MYL3: variants seen among roughly 807,000 people sequenced by gnomAD.
MYL3 encodes the protein CMLC1.
A neutral mutation model predicts 21.3 loss-of-function variants in MYL3; 11 were observed. The observed-to-expected ratio is 0.52, with a 90% confidence interval of 0.32 to 0.85. The LOEUF (loss-of-function observed/expected upper bound fraction) is 0.85. Among genes scored for constraint, MYL3 ranks in the 40% least tolerant of loss-of-function variants. The probability of loss-of-function intolerance (pLI) is 0.03; values close to 1 mark genes in which losing one functional copy is unlikely to be tolerated. For synonymous variants in MYL3, 88 were observed against 91.6 expected (o/e 0.96, Z 0.22); for missense variants, 206 against 253.3 (o/e 0.81, Z 1.27).
At chr3:46,863,117 T>C (rs1702009136) in intron 1 of MYL3, 145 bp downstream of exon 1, 1 of 1,223,988 alleles carries the variant, frequency 8.2e-7, no homozygotes, top group East Asian at 2.3e-5. Context: ...CCTGAAGCAG[T>C]CAGGGCTTGT....
chr3:46,858,485 C>A, intron 4 of MYL3, 24 bp from the exon 5 acceptor site: 1 of 1,609,264 alleles, frequency 6.2e-7, no homozygotes, highest in South Asian at 1.1e-5. Context: ...GAGGCTGAGT[C>A]AGCACCGTGC....
At chr3:46,871,916 C>T (rs2106923942) in intron 1 of MYL3, among the ~76,000 whole-genome samples, 2 of 152,324 alleles carry the variant, frequency 1.3e-5, no homozygotes, top group South Asian at 4.1e-4. Context: ...ATCCTCCCAT[C>T]CAAAGCTGAT....
At chr3:46,880,147 G>A (rs2030463333) in intron 1 of MYL3, 1 of 152,254 alleles carries the variant, frequency 6.6e-6, no homozygotes, top group South Asian at 2.1e-4. Context: ...TCCCAAGGAG[G>A]CTACATACCA....
rs1415627773 is a variant in MYL3, at chr3:46,860,405, C to T, written c.307+271G>A. ...TGGGATGACAGCATCCCACTGCCCA[C>T]TGCTGTCACTGCCCGACCTTCTCAC... On this transcript the variant is annotated intron_variant, in intron 3 of 6. Coordinates refer to ENST00000292327, the MANE Select transcript of MYL3 (RefSeq NM_000258.3). The surrounding 1 kb of genome is among the most constrained non-coding windows in gnomAD (Gnocchi z 4.6). 6.6e-6 allele frequency among the ~76,000 whole-genome samples: 1 copy of T among 152,196 alleles called. No individual in the cohort carries two copies. The highest frequency in any genetic ancestry group is 6.5e-5 in the Admixed American group (1 of 15,292).
rs143603351 is a variant in MYL3, at chr3:46,859,045, C to T, written c.481+430G>A. 2.0e-5 allele frequency among the ~76,000 whole-genome samples: 3 copies of T among 152,262 alleles called. No individual in the cohort carries two copies. The highest frequency in any genetic ancestry group is 7.2e-5 in the African/African-American group (3 of 41,538). ...AAAAAATCACTTTGAAGAGGGACCC[C>T]CTGCTGCAGGCAGCCGATGGTAGGG... On this transcript the variant is annotated intron_variant, in intron 4 of 6. Coordinates refer to ENST00000292327, the MANE Select transcript of MYL3 (RefSeq NM_000258.3). This position sits in a 1 kb window ranked among gnomAD's most constrained non-coding sequence, Gnocchi z 4.1.
At chr3:46,872,321 C>T (rs2029962017) in intron 1 of MYL3, among the ~76,000 whole-genome samples, 1 of 152,186 alleles carries the variant, frequency 6.6e-6, no homozygotes, top group African/African-American at 2.4e-5. Context: ...CCGAGGGAGC[C>T]CTGCCTAACA....
upstream of MYL3, among the ~76,000 whole-genome samples, chr3:46,864,063 T>TG (rs1389526785): frequency 2.0e-5 from 3 of 151,576 alleles, no homozygotes; most frequent in Non-Finnish European, 4.4e-5. The surrounding 1 kb of genome is among the most constrained non-coding windows in gnomAD (Gnocchi z 4.7). Flanking sequence ...GCCTCCGTGG[T>TG]GGGGGGCTCT....
chr3:46,867,653 G>A (rs995668111), upstream of MYL3, among the ~76,000 whole-genome samples: 7 of 152,222 alleles, frequency 4.6e-5, no homozygotes, highest in Admixed American at 3.3e-4. Flanking sequence ...GCCATGGCCC[G>A]CCCTGGCCTG....
Position 46,859,366 on chromosome 3 carries a change from T to C in MYL3, c.481+109A>G. 2 of 1,416,756 alleles carry C rather than the reference T, an allele frequency of 1.4e-6. No homozygotes were observed. Among genetic ancestry groups the C allele is most frequent in the African/African-American group, 2.8e-5 (2 of 71,104 alleles). 87.8% of individuals were successfully genotyped at this position (1,416,756 alleles called of 1,614,324 possible). ...GTCTGCCATTGAGGCTCCCTAATTA[T>C]GTAACTCTCTCCATTTCACCAATGG... On this transcript the variant is annotated intron_variant, in intron 4 of 6. Coordinates refer to ENST00000292327, the MANE Select transcript of MYL3 (RefSeq NM_000258.3). The surrounding 1 kb of genome is among the most constrained non-coding windows in gnomAD (Gnocchi z 4.1).
intron 1 of MYL3, among the ~76,000 whole-genome samples, chr3:46,876,163 G>A (rs2030200995): frequency 1.3e-5 from 2 of 152,260 alleles, no homozygotes. Flanking sequence ...CAACAGATCA[G>A]GAAACTGAGG....
At chr3:46,869,379 G>A (rs1398182233) in intron 1 of MYL3, among the ~76,000 whole-genome samples, 2 of 152,194 alleles carry the variant, frequency 1.3e-5, no homozygotes, top group African/African-American at 4.8e-5. Flanking sequence ...CCATGAGCCG[G>A]CCTTGGAGGA....
chr3:46,866,123 G>A (rs1193389064), upstream of MYL3, among the ~76,000 whole-genome samples: 1 of 148,994 alleles, frequency 6.7e-6, no homozygotes. Context: ...TGGAGGGAGG[G>A]AGGGTGGGCA....
rs1333287241 is a variant in MYL3, at chr3:46,860,491, G to C, written c.307+185C>G. ...CTGGCAAATCAGCATGGATCCAGAT[G>C]CTCCAGCAAACCATTACTGCATGTC... On this transcript the variant is annotated intron_variant, in intron 3 of 6. Transcript: ENST00000292327. The surrounding 1 kb of genome is among the most constrained non-coding windows in gnomAD (Gnocchi z 4.6). 1.3e-5 allele frequency among the ~76,000 whole-genome samples: 2 copies of C among 152,178 alleles called. No homozygotes were observed. The highest frequency in any genetic ancestry group is 4.8e-5 in the African/African-American group (2 of 41,446).
At chr3:46,866,764 G>A (rs944134372), upstream of MYL3, among the ~76,000 whole-genome samples, 12 of 152,152 alleles carry the variant, frequency 7.9e-5, no homozygotes, top group Non-Finnish European at 1.8e-4. Context: ...GAGCTCTGGC[G>A]GTGCAGAGGG....
intron 1 of MYL3, among the ~76,000 whole-genome samples, chr3:46,862,791 G>A (rs148553169): frequency 2.6e-5 from 4 of 152,280 alleles, no homozygotes; most frequent in African/African-American, 4.8e-5. Context: ...CTCTGGGCTC[G>A]GTGATTTGAA....
At chr3:46,875,646 C>A (rs1450547146) in intron 1 of MYL3, among the ~76,000 whole-genome samples, 1 of 152,224 alleles carries the variant, frequency 6.6e-6, no homozygotes, top group Non-Finnish European at 1.5e-5. Context: ...GTGCATGGGG[C>A]AAGAACTGTT....
chr3:46,865,282 GC>G (rs1702037447), upstream of MYL3, among the ~76,000 whole-genome samples: 1 of 151,392 alleles, frequency 6.6e-6, no homozygotes, highest in Non-Finnish European at 1.5e-5. This position sits in a 1 kb window ranked among gnomAD's most constrained non-coding sequence, Gnocchi z 4.3. Context: ...TGGCGGGGGG[GC>G]AAGTTTTTCA....
Position 46,861,824 on chromosome 3 carries a change from G to A in MYL3, c.130-837C>T, listed in dbSNP as rs921824937. The stretch of plus-strand genomic sequence containing the variant: ...ACACAAGGGAAAGGAGGTTGGGGGA[G>A]GGGCATGACTGGCGTCTCTCTCATG... On this transcript the variant is annotated intron_variant, in intron 1 of 6. Transcript: ENST00000292327. The surrounding 1 kb of genome is among the most constrained non-coding windows in gnomAD (Gnocchi z 4.2). 6.6e-6 allele frequency among the ~76,000 whole-genome samples: 1 copy of A among 152,182 alleles called. No individual in the cohort carries two copies. The highest frequency in any genetic ancestry group is 1.5e-5 in the Non-Finnish European group (1 of 68,028).
chr3:46,876,975 G>A (rs974968802), intron 1 of MYL3, among the ~76,000 whole-genome samples: 1 of 152,096 alleles, frequency 6.6e-6, no homozygotes, highest in Non-Finnish European at 1.5e-5. Context: ...AACACAGCTC[G>A]TTCTACAGAC....
Sources: gnomAD v4.1 joint callset for allele counts (sites outside exome capture counted in the v4.1 genomes callset) on GRCh38, gnomAD v4.1.1 for gene constraint, Gnocchi (gnomAD v3.1) non-coding constraint, MANE v1.5 for transcripts, NCBI Gene and HGNC (gene_info 2026-07-23, HGNC 2026-07-21) for gene names.